The following UBE2QL1 variants were observed in gnomAD, a reference collection of about 807,000 sequenced individuals.
UBE2QL1 encodes the protein ubiquitin conjugating enzyme E2 QL1, also known as ubiquitin-conjugating enzyme E2Q-like protein 1.
In UBE2QL1, 5 loss-of-function variants were observed where a neutral mutation model predicts 12.6. The ratio of observed to expected loss-of-function variants is 0.40; its 90% CI spans 0.21 to 0.83. The LOEUF (loss-of-function observed/expected upper bound fraction) is 0.83, where lower values mean the gene tolerates loss of function less well. Ranked by LOEUF, UBE2QL1 falls within the 40% of genes least tolerant of loss-of-function variation. UBE2QL1 has a pLI of 0.37. For synonymous variants in UBE2QL1, 96 were observed against 94.5 expected (o/e 1.02, Z -0.10); for missense variants, 99 against 222.6 (o/e 0.44, Z 3.53).
chr5:6,456,826 G>A (rs75996369), intron 1 of UBE2QL1, among the ~76,000 whole-genome samples: 13,288 of 152,130 alleles, frequency 0.087, 1,026 homozygotes, highest in East Asian at 0.37. Context: ...GAGGGCAGGT[G>A]TGTCTGCAGA....
chr5:6,462,164 G>C (rs78305080), intron 1 of UBE2QL1, among the ~76,000 whole-genome samples: 1 of 152,072 alleles, frequency 6.6e-6, no homozygotes, highest in African/African-American at 2.4e-5. Flanking sequence ...GTCAGGACTC[G>C]ACCAGAAAAG....
rs752808911 is a variant in UBE2QL1, at chr5:6,478,812, C to T, written c.355-12406C>T. Among the ~76,000 whole-genome samples the T allele has an allele frequency of 2.6e-5, 4 of 152,096 alleles. No homozygotes were observed. The highest frequency in any genetic ancestry group is 2.1e-4 in the South Asian group (1 of 4,816). On this transcript the variant is annotated intron_variant, in intron 1 of 1. Transcript: ENST00000399816. The surrounding 1 kb of genome is among the most constrained non-coding windows in gnomAD (Gnocchi z 4.5). ...CTGCAGGTGGATGATCTCCTGCGCA[C>T]GTGGGAGAGTGATCCTAGGACGTGC... is the stretch of plus-strand genomic sequence containing the variant.
Position 6,478,259 on chromosome 5 carries a change from C to A in UBE2QL1, c.355-12959C>A. 6.6e-6 allele frequency among the ~76,000 whole-genome samples: 1 copy of A among 152,128 alleles called. No individual in the cohort carries two copies. The highest frequency in any genetic ancestry group is 2.1e-4 in the South Asian group (1 of 4,832). On this transcript the variant is annotated intron_variant, in intron 1 of 1. Transcript: ENST00000399816. This position sits in a 1 kb window ranked among gnomAD's most constrained non-coding sequence, Gnocchi z 4.5. ...TTATTTTTTGACATTGCTGAATTTC[C>A]TTCTGCATTGTGAAACTCTAGTGCT...
intron 1 of UBE2QL1, among the ~76,000 whole-genome samples, chr5:6,452,548 T>A (rs1465074899): frequency 6.6e-6 from 1 of 152,212 alleles, no homozygotes; most frequent in Non-Finnish European, 1.5e-5. Flanking sequence ...ATTATTTGCA[T>A]CCTTTATTAG....
rs1734226651 is a variant in UBE2QL1 at position 6,476,147 on chromosome 5, C to T, written c.355-15071C>T. On this transcript the variant is annotated intron_variant, in intron 1 of 1. Transcript: ENST00000399816. This position sits in a 1 kb window ranked among gnomAD's most constrained non-coding sequence, Gnocchi z 4.9. Reference sequence around the variant, plus strand: ...AAGCTCAGGGAGCTTTCCAGTGGCACTGGGGCTCCCTTATTCCTAGGAGGC... The same window carrying T: ...AAGCTCAGGGAGCTTTCCAGTGGCATTGGGGCTCCCTTATTCCTAGGAGGC... Among the ~76,000 whole-genome samples the T allele has an allele frequency of 1.3e-5, 2 of 151,618 alleles. No homozygotes were observed. Among genetic ancestry groups the T allele is most frequent in the African/African-American group, 2.4e-5 (1 of 41,236 alleles).
At chr5:6,488,130 CCTCTG>C (rs1734499265) in intron 1 of UBE2QL1, among the ~76,000 whole-genome samples, 1 of 152,220 alleles carries the variant, frequency 6.6e-6, no homozygotes, top group African/African-American at 2.4e-5. Context: ...ATGCGCTGAG[CCTCTG>C]ACTGGCTCAT....
At chr5:6,459,644 A>G (rs1459601173) in intron 1 of UBE2QL1, among the ~76,000 whole-genome samples, 1 of 152,250 alleles carries the variant, frequency 6.6e-6, no homozygotes, top group Non-Finnish European at 1.5e-5. Context: ...AACATGATGA[A>G]CTAAAATAAA....
chr5:6,456,878 C>T (rs1355071328), intron 1 of UBE2QL1, among the ~76,000 whole-genome samples: 2 of 152,048 alleles, frequency 1.3e-5, no homozygotes, highest in Non-Finnish European at 1.5e-5. Flanking sequence ...ACCTGGCCAG[C>T]AGGGCTGGGC....
chr5:6,486,582 C>T (rs578136114), intron 1 of UBE2QL1, among the ~76,000 whole-genome samples: 1 of 152,272 alleles, frequency 6.6e-6, no homozygotes, highest in Admixed American at 6.5e-5. Context: ...GTGTAGAATC[C>T]GTCATACTGT....
chr5:6,479,856 G>A lies in UBE2QL1; in HGVS notation c.355-11362G>A, dbSNP rs754355300. Among the ~76,000 whole-genome samples the A allele has an allele frequency of 4.6e-5, 7 of 152,184 alleles. No homozygotes were observed. Among genetic ancestry groups the A allele is most frequent in the African/African-American group, 7.2e-5 (3 of 41,448 alleles). On this transcript the variant is annotated intron_variant, in intron 1 of 1. Transcript: ENST00000399816. This position sits in a 1 kb window ranked among gnomAD's most constrained non-coding sequence, Gnocchi z 4.2. ...CTGTTCACCACGTCAGGCAGGTAGC[G>A]TGTGCCGAGGCCCCCACATGTGCTG...
At position 6,476,779 on chromosome 5, in the gene UBE2QL1, G is replaced by C. The variant is rs1023784168; in HGVS notation, c.355-14439G>C. 6.6e-6 allele frequency among the ~76,000 whole-genome samples: 1 copy of C among 152,182 alleles called. No homozygotes were observed. Among genetic ancestry groups the C allele is most frequent in the African/African-American group, 2.4e-5 (1 of 41,440 alleles). ...ATGGGTTTCTTCACAGGAAAATGTA[G>C]TTGAGATTTGTAAAAACAAACGGCG... On this transcript the variant is annotated intron_variant, in intron 1 of 1. Transcript: ENST00000399816. This position sits in a 1 kb window ranked among gnomAD's most constrained non-coding sequence, Gnocchi z 4.9.
intron 1 of UBE2QL1, among the ~76,000 whole-genome samples, chr5:6,474,744 G>A (rs563242494): frequency 1.2e-3 from 187 of 152,286 alleles, no homozygotes; most frequent in African/African-American, 4.3e-3. Flanking sequence ...CACCTGAGAG[G>A]GGCAGTGAGC....
chr5:6,454,561 G>A (rs1038139543), intron 1 of UBE2QL1, among the ~76,000 whole-genome samples: 19 of 152,142 alleles, frequency 1.2e-4, no homozygotes, highest in African/African-American at 4.6e-4. Flanking sequence ...AACCAAACAG[G>A]CATTTCTTAA....
intron 1 of UBE2QL1, among the ~76,000 whole-genome samples, chr5:6,449,888 C>A (rs1337739275): frequency 7.4e-6 from 1 of 135,768 alleles, no homozygotes; most frequent in Admixed American, 7.5e-5. Flanking sequence ...CACACACACA[C>A]ACAAGGCTCC....
At chr5:6,464,598 A>G (rs1739744693) in intron 1 of UBE2QL1, among the ~76,000 whole-genome samples, 1 of 152,216 alleles carries the variant, frequency 6.6e-6, no homozygotes, top group Non-Finnish European at 1.5e-5. Flanking sequence ...AAGAAAAAAC[A>G]AGGAGATGAC....
intron 1 of UBE2QL1, among the ~76,000 whole-genome samples, chr5:6,471,858 A>G (rs956775446): frequency 6.6e-6 from 1 of 152,232 alleles, no homozygotes; most frequent in Non-Finnish European, 1.5e-5. Context: ...ATTTTTACAC[A>G]TGCATAATAA....
At chr5:6,475,771 G>A (rs272462) in intron 1 of UBE2QL1, among the ~76,000 whole-genome samples, 132,126 of 151,662 alleles carry the variant, frequency 0.87, 58,218 homozygotes, top group South Asian at 0.96. Context: ...CCTTGAAGCC[G>A]AAGCTCTGCC....
At chr5:6,483,420 C>T (rs1426616204) in intron 1 of UBE2QL1, among the ~76,000 whole-genome samples, 3 of 148,582 alleles carry the variant, frequency 2.0e-5, no homozygotes, top group Admixed American at 6.7e-5. Context: ...GCCTGGGTGA[C>T]AGAGTGAGAC....
intron 1 of UBE2QL1, among the ~76,000 whole-genome samples, chr5:6,472,027 C>T (rs1490969207): frequency 1.3e-5 from 2 of 152,120 alleles, no homozygotes; most frequent in Admixed American, 6.5e-5. Flanking sequence ...ACACTTCATC[C>T]TGTCAGGTGT....
Sources: allele counts gnomAD v4.1 joint callset (sites outside exome capture counted in the v4.1 genomes callset), GRCh38; gene constraint gnomAD v4.1.1; non-coding constraint Gnocchi (gnomAD v3.1); transcripts MANE v1.5; gene names NCBI Gene and HGNC (gene_info 2026-07-23, HGNC 2026-07-21).